NFASC: variants seen among roughly 807,000 people sequenced by gnomAD.
NFASC encodes neurofascin homolog.
A neutral mutation model predicts 147.5 loss-of-function variants in NFASC; 43 were observed. The observed-to-expected ratio is 0.29, with a 90% CI of 0.23 to 0.38. NFASC has a LOEUF of 0.38. Ranked by LOEUF, NFASC falls within the 10% of genes least tolerant of loss-of-function variation. The probability of loss-of-function intolerance (pLI) is 1.00; values close to 1 mark genes in which losing one functional copy is unlikely to be tolerated. For missense variants in NFASC, 1,320 were observed against 1,689.0 expected (o/e 0.78, Z 3.83); for synonymous variants, 622 against 665.5 (o/e 0.93, Z 1.01).
intron 1 of NFASC, among the ~76,000 whole-genome samples, chr1:204,865,513 C>A (rs1172277215): frequency 6.6e-6 from 1 of 152,176 alleles, no homozygotes; most frequent in African/African-American, 2.4e-5. Flanking sequence ...GTTTTCCTAG[C>A]ACCATTTGTT....
At chr1:204,974,137 G>A (rs753464791) in intron 12 of NFASC, 42 bp from the exon 13 acceptor site, 2 of 1,525,246 alleles carry the variant, frequency 1.3e-6, no homozygotes, top group South Asian at 1.2e-5. Flanking sequence ...AGATGGAAGA[G>A]TTTAGACTTG....
chr1:204,896,754 AATTATT>A (rs1478847718), intron 1 of NFASC, among the ~76,000 whole-genome samples: 2 of 152,214 alleles, frequency 1.3e-5, no homozygotes, highest in East Asian at 3.8e-4. Flanking sequence ...CATATAAAAA[AATTATT>A]ATTATTAATG....
Position 204,975,163 on chromosome 1 carries a change from T to C in NFASC, c.1559-108T>C. The C allele has an allele frequency of 8.0e-7, 1 of 1,252,308 alleles. No individual in the cohort carries two copies. The highest frequency in any genetic ancestry group is 1.1e-6 in the Non-Finnish European group (1 of 898,646). 77.6% of individuals were successfully genotyped at this position (1,252,308 alleles called of 1,614,324 possible). A position where few individuals can be genotyped will look rare whatever the true frequency, so the allele number is the denominator to read the frequency against. On this transcript the variant is annotated intron_variant, in intron 14 of 29. Transcript: ENST00000339876. The surrounding 1 kb of genome is among the most constrained non-coding windows in gnomAD (Gnocchi z 4.0). ...CCATAGCATACTGTTTGTGCCCCACTCCATAGTTGGCCCAAGGCCTCGAGG... is the reference window on the plus strand; with the variant it reads ...CCATAGCATACTGTTTGTGCCCCACCCCATAGTTGGCCCAAGGCCTCGAGG...
intron 3 of NFASC, chr1:204,946,450 G>A (rs2093744006): frequency 1.2e-5 from 5 of 427,292 alleles, no homozygotes; most frequent in Middle Eastern, 3.4e-4. Flanking sequence ...TGGCTGTGTC[G>A]GGGCAGGAGA....
chr1:204,960,126 C>G (rs774845179), intron 8 of NFASC, among the ~76,000 whole-genome samples: 2 of 152,188 alleles, frequency 1.3e-5, no homozygotes, highest in Non-Finnish European at 1.5e-5. Context: ...ACCTTCAGAA[C>G]CAGGTCTGGG....
At chr1:204,931,025 G>A (rs2092321942) in intron 2 of NFASC, among the ~76,000 whole-genome samples, 1 of 152,030 alleles carries the variant, frequency 6.6e-6, no homozygotes, top group Non-Finnish European at 1.5e-5. Context: ...GATGACAAAT[G>A]TAATAGAGGC....
At chr1:204,856,953 T>G (rs1455553654) in intron 1 of NFASC, among the ~76,000 whole-genome samples, 1 of 152,256 alleles carries the variant, frequency 6.6e-6, no homozygotes, top group Non-Finnish European at 1.5e-5. Context: ...GTTTCCACCT[T>G]TCTGCTATTA....
chr1:204,923,880 T>C (rs529405289), intron 2 of NFASC, among the ~76,000 whole-genome samples: 1 of 152,354 alleles, frequency 6.6e-6, no homozygotes, highest in South Asian at 2.1e-4. Flanking sequence ...CAATCATGTC[T>C]AGACCCCTCT....
At chr1:204,993,883 A>T in intron 24 of NFASC, 1 of 451,454 alleles carries the variant, frequency 2.2e-6, no homozygotes, top group South Asian at 1.6e-5. Flanking sequence ...GAATCTCCTT[A>T]GACCTGAGCA....
At chr1:204,875,526 T>A (rs970249989) in intron 1 of NFASC, among the ~76,000 whole-genome samples, 1 of 152,194 alleles carries the variant, frequency 6.6e-6, no homozygotes. Flanking sequence ...GGTGCTTCTT[T>A]TCCCTAAAAA....
At position 204,988,660 on chromosome 1, in the gene NFASC, T is replaced by C. The variant is rs752175943; in HGVS notation, c.2621T>C (p.Ile874Thr). 3.1e-6 allele frequency: 5 copies of C among 1,614,210 alleles called. No homozygotes were observed. Among genetic ancestry groups the C allele is most frequent in the Admixed American group, 1.7e-5 (1 of 60,026 alleles). The change falls in exon 23 of 30, where the codon ATA becomes ACA. Residue 874 changes from isoleucine to threonine, a missense_variant. By Grantham distance (89) the Ile-to-Thr change is moderately conservative (BLOSUM62 -1). Around this residue, in one of 3 missense-constraint regions of NFASC, gnomAD observed 981 missense variants for 1,289.5 expected, o/e 0.76. Coordinates refer to ENST00000339876, the MANE Select transcript of NFASC (RefSeq NM_001005388.3). ...AACGGGACCAAAGTAGGAAAGCAGA[T>C]AGTGGAAAACTTCTCTCCCAATCAG... is the stretch of plus-strand genomic sequence containing the variant. The part of the protein sequence containing the change: ...AFNGTKVGKQ[I>T]VENFSPNQTK...
chr1:204,932,168 A>T (rs1236774062), intron 2 of NFASC, among the ~76,000 whole-genome samples: 3 of 152,158 alleles, frequency 2.0e-5, no homozygotes, highest in Non-Finnish European at 4.4e-5. Context: ...GAAAACATAA[A>T]GGTCTTGCTT....
chr1:204,871,076 A>ATGGTCAAC lies in NFASC; in HGVS notation c.-200+42296_-200+42303dup, dbSNP rs1169786597. The ATGGTCAAC allele has an allele frequency of 5.4e-6, 7 of 1,289,660 alleles. No individual in the cohort carries two copies. The Admixed American group carries it at 6.9e-5, about 13-fold the overall frequency. 79.9% of individuals were successfully genotyped at this position (1,289,660 alleles called of 1,614,324 possible). A position where few individuals can be genotyped will look rare whatever the true frequency, so the allele number is the denominator to read the frequency against. On this transcript the variant is annotated intron_variant, in intron 1 of 29. Transcript: ENST00000339876. ...ATGGCTCCTTCAGGAGAGAGGTAGG[A>ATGGTCAAC]TGGTCAACTCTGCCCTCCCTCTTGG... is the stretch of plus-strand genomic sequence containing the variant.
intron 1 of NFASC, among the ~76,000 whole-genome samples, chr1:204,865,780 A>T (rs1017116000): frequency 3.9e-5 from 6 of 152,144 alleles, no homozygotes; most frequent in Non-Finnish European, 7.4e-5. Context: ...TTTCATATGA[A>T]TTTGAGTATA....
intron 1 of NFASC, among the ~76,000 whole-genome samples, chr1:204,879,276 A>T (rs1398472955): frequency 6.6e-6 from 1 of 152,202 alleles, no homozygotes; most frequent in African/African-American, 2.4e-5. Context: ...TGAATAACTA[A>T]CATTTGTTAT....
intron 1 of NFASC, among the ~76,000 whole-genome samples, chr1:204,831,718 G>T (rs1469019855): frequency 6.6e-6 from 1 of 152,016 alleles, no homozygotes; most frequent in Non-Finnish European, 1.5e-5. Flanking sequence ...GATGTTTGGG[G>T]TGGGGAGGGG....
chr1:205,001,111 C>G (rs1351219826), intron 25 of NFASC, 59 bp from the exon 26 acceptor site: 3 of 974,924 alleles, frequency 3.1e-6, no homozygotes, highest in African/African-American at 1.6e-5. Flanking sequence ...GTGTGTGTCT[C>G]CATATCTCTG....
chr1:204,899,305 C>G (rs1049444725), intron 1 of NFASC, among the ~76,000 whole-genome samples: 2 of 152,198 alleles, frequency 1.3e-5, no homozygotes, highest in Non-Finnish European at 2.9e-5. Context: ...GAAACAGCAA[C>G]GTCCTCTTCA....
chr1:204,935,203 G>A (rs994974812), intron 2 of NFASC, among the ~76,000 whole-genome samples: 4 of 152,214 alleles, frequency 2.6e-5, no homozygotes, highest in African/African-American at 9.7e-5. Flanking sequence ...AAAGAATTAG[G>A]AGAAAGAAGG....
Sources: gnomAD v4.1 joint callset for allele counts (sites outside exome capture counted in the v4.1 genomes callset) on GRCh38, gnomAD v4.1.1 for gene constraint, gnomAD v4.1.1 regional missense constraint, Gnocchi (gnomAD v3.1) non-coding constraint, MANE v1.5 for transcripts, NCBI Gene and HGNC (gene_info 2026-07-23, HGNC 2026-07-21) for gene names.